The following PCBP2 variants were observed in gnomAD, a reference collection of about 807,000 sequenced individuals.
PCBP2 encodes the protein poly(rC) binding protein 2, also known as poly(rC)-binding protein 2.
PCBP2 carries 4 observed loss-of-function variants against 50.1 expected under a neutral mutation model. The observed-to-expected ratio is 0.08, with a 90% CI of 0.04 to 0.18. PCBP2 has a LOEUF of 0.18. PCBP2 is among the 10% of genes least tolerant of loss of function. PCBP2 has a pLI of 1.00. For synonymous variants in PCBP2, 179 were observed against 168.0 expected, an observed-to-expected ratio of 1.07 and a Z score of -0.51; for missense variants, 161 against 474.3, an observed-to-expected ratio of 0.34 and a Z score of 6.14.
chr12:53,460,081 C>T (rs1474194067), intron 6 of PCBP2: 1 of 234,600 alleles, frequency 4.3e-6, no homozygotes, highest in Non-Finnish European at 9.0e-6. Context: ...TTTTCTTGAC[C>T]AGACTTATAA....
At chr12:53,457,589 TC>T (rs1260913868) in intron 5 of PCBP2, among the ~76,000 whole-genome samples, 1 of 150,610 alleles carries the variant, frequency 6.6e-6, no homozygotes, top group Non-Finnish European at 1.5e-5. Context: ...CAAGCAATCC[TC>T]CTGTCTCAGC....
At chr12:53,477,431 C>T (rs1361458430) in intron 14 of PCBP2, among the ~76,000 whole-genome samples, 6 of 151,862 alleles carry the variant, frequency 4.0e-5, no homozygotes, top group African/African-American at 1.2e-4. Context: ...TTTGGGAGGC[C>T]GAGGCGGGTG....
At chr12:53,460,860 A>T (rs1941405208) in intron 6 of PCBP2, 155 bp from the exon 7 acceptor site, 1 of 730,440 alleles carries the variant, frequency 1.4e-6, no homozygotes, top group Admixed American at 2.8e-5. Context: ...AAACAGTCCT[A>T]TCTGGAATAA....
chr12:53,465,528 A>G (rs1047918649), intron 9 of PCBP2, among the ~76,000 whole-genome samples: 5 of 152,320 alleles, frequency 3.3e-5, no homozygotes, highest in African/African-American at 4.8e-5. Context: ...GATCTTCCAC[A>G]TCACCACAAT....
chr12:53,465,914 G>A lies in PCBP2; in HGVS notation c.673-18G>A, dbSNP rs963907003. The A allele has an allele frequency of 6.2e-7, 1 of 1,607,818 alleles. No homozygotes were observed. The highest frequency in any genetic ancestry group is 1.3e-5 in the African/African-American group (1 of 74,750). The stretch of plus-strand genomic sequence containing the variant: ...CCGTGATTGGTTTTTAATAGGAACT[G>A]TTTTCCTCCTTTTGTAGGCCTATAC... On this transcript the variant is annotated intron_variant, in intron 9 of 14. Transcript: ENST00000546463.
intron 6 of PCBP2, chr12:53,459,815 CG>C (rs1941316930): frequency 2.2e-6 from 1 of 446,630 alleles, no homozygotes; most frequent in South Asian, 1.6e-5. Flanking sequence ...AGTGCAGTGG[CG>C]CAGTCATGGC....
chr12:53,454,033 A>T (rs1253680090), intron 1 of PCBP2, among the ~76,000 whole-genome samples: 1 of 152,214 alleles, frequency 6.6e-6, no homozygotes, highest in Non-Finnish European at 1.5e-5. Flanking sequence ...CTCAAATCTG[A>T]GTAACAAGTT....
chr12:53,478,818 A>AATCTGAGT (rs1208979006), intron 14 of PCBP2, among the ~76,000 whole-genome samples: 4 of 152,042 alleles, frequency 2.6e-5, no homozygotes, highest in African/African-American at 4.8e-5. Flanking sequence ...TAAATAAGTA[A>AATCTGAGT]ATCTGAGTAT....
At chr12:53,474,032 G>A (rs1457981382) in intron 14 of PCBP2, among the ~76,000 whole-genome samples, 1 of 152,128 alleles carries the variant, frequency 6.6e-6, no homozygotes, top group Non-Finnish European at 1.5e-5. Flanking sequence ...TGTAGTTCTG[G>A]CTTAGACACA....
In PCBP2 at chr12:53,468,776, G is replaced by A; in HGVS notation, c.827-1G>A. On this transcript the variant is annotated splice_acceptor_variant, in intron 12 of 14. Transcript: ENST00000546463. LOFTEE classifies it high-confidence loss of function. The stretch of plus-strand genomic sequence containing the variant: ...TTTGCTTGCTCTCTTCTGTCTTTTA[G>A]CAGGTTTGGATGCATCTGCTCAGAC... 2 of 1,612,342 alleles carry A rather than the reference G, an allele frequency of 1.2e-6. No individual in the cohort carries two copies. The highest frequency in any genetic ancestry group is 1.7e-6 in the Non-Finnish European group (2 of 1,178,474).
chr12:53,474,972 T>TCCA (rs1565873661), intron 14 of PCBP2: 1 of 456,626 alleles, frequency 2.2e-6, no homozygotes, highest in Non-Finnish European at 4.4e-6. Flanking sequence ...TTCTTCCTCC[T>TCCA]CCACCACCAC....
At chr12:53,460,840 C>CT (rs1941404005) in intron 6 of PCBP2, 175 bp from the exon 7 acceptor site, 5 of 585,834 alleles carry the variant, frequency 8.5e-6, no homozygotes, top group African/African-American at 1.9e-5. Flanking sequence ...ATTTTTAACT[C>CT]TAATTCACTA....
intron 12 of PCBP2, chr12:53,468,140 G>A: frequency 3.2e-6 from 1 of 310,246 alleles, no homozygotes; most frequent in Admixed American, 4.7e-5. Context: ...TTTGCTGATG[G>A]GATTTTTTTT....
intron 5 of PCBP2, among the ~76,000 whole-genome samples, chr12:53,456,932 GA>G (rs35675944): frequency 0.28 from 42,003 of 152,120 alleles, 7,076 homozygotes; most frequent in East Asian, 0.72. Context: ...GCCAAGATTA[GA>G]AATGTTACCT....
At position 53,454,808 on chromosome 12, in the gene PCBP2, C is replaced by G; in HGVS notation, c.8C>G (p.Thr3Ser). The G allele has an allele frequency of 6.2e-7, 1 of 1,614,060 alleles. No homozygotes were observed. Among genetic ancestry groups the G allele is most frequent in the South Asian group, 1.1e-5 (1 of 91,082 alleles). ...CCCAGAACACTGCTCGACATGGACA[C>G]CGGTGTGATTGAAGGTGGATTAAAT... Reference protein sequence around the residue: MDTGVIEGGLNVT... With the variant: MDSGVIEGGLNVT... Residue 3 changes from threonine (T) to serine (S), a missense_variant, in exon 2 of 15, where the codon ACC becomes AGC. By Grantham distance (58) the Thr-to-Ser change is moderately conservative. Coordinates refer to ENST00000546463, the MANE Select transcript of PCBP2 (RefSeq NM_031989.5).
chr12:53,478,838 C>T (rs1942845868), intron 14 of PCBP2, among the ~76,000 whole-genome samples: 1 of 151,948 alleles, frequency 6.6e-6, no homozygotes, highest in South Asian at 2.1e-4. Flanking sequence ...TAATTCTTGA[C>T]CCATAGTTAC....
chr12:53,478,282 T>C (rs913977413), intron 14 of PCBP2, among the ~76,000 whole-genome samples: 1 of 151,888 alleles, frequency 6.6e-6, no homozygotes, highest in Non-Finnish European at 1.5e-5. Flanking sequence ...CCAAGACAAG[T>C]GGATCACCTG....
intron 13 of PCBP2, 85 bp downstream of exon 13, chr12:53,468,917 C>CATTTTTT: frequency 1.7e-6 from 1 of 574,216 alleles, no homozygotes; most frequent in Non-Finnish European, 2.9e-6. Context: ...TCCTGCTACC[C>CATTTTTT]TTTTTTTTTT....
chr12:53,456,153 G>C (rs796716759), intron 5 of PCBP2, 152 bp downstream of exon 5: 3 of 649,160 alleles, frequency 4.6e-6, no homozygotes, highest in South Asian at 3.6e-5. Context: ...CACAAAATTC[G>C]AGCATTTGTA....
Sources: allele counts gnomAD v4.1 joint callset (sites outside exome capture counted in the v4.1 genomes callset), GRCh38; gene constraint gnomAD v4.1.1; transcripts MANE v1.5; gene names NCBI Gene and HGNC (gene_info 2026-07-23, HGNC 2026-07-21).